Variants in CAST observed in about 807,000 individuals in gnomAD.
CAST encodes the protein MIR583 host.
In CAST, 76 loss-of-function variants were observed where a neutral mutation model predicts 119.6. That is an observed-to-expected ratio of 0.64 (90% CI 0.53 to 0.77). CAST has a LOEUF of 0.77. Ranked by LOEUF, CAST falls within the 30% of genes least tolerant of loss-of-function variation. The pLI, the probability that CAST is intolerant of heterozygous loss-of-function variation, is 0.00. For missense variants in CAST, 953 were observed against 946.5 expected (o/e 1.01, Z -0.09); for synonymous variants, 319 against 331.6 (o/e 0.96, Z 0.41).
chr5:96,728,984 A>G (rs1759899463), intron 6 of CAST, 169 bp from the exon 7 acceptor site: 1 of 582,128 alleles, frequency 1.7e-6, no homozygotes, highest in Admixed American at 3.5e-5. Context: ...TATTGACCTG[A>G]TACCACATGT....
At chr5:96,050,076 G>GA in the CAST span, 6 of 151,988 alleles carry the variant, frequency 3.9e-5, no homozygotes, top group Non-Finnish European at 8.8e-5. Context: ...TTTGCACTGG[G>GA]AAAAAAAGAA....
intron 1 of CAST, 113 bp downstream of exon 1, chr5:96,662,610 C>G: frequency 8.0e-7 from 1 of 1,244,696 alleles, no homozygotes; most frequent in Non-Finnish European, 1.0e-6. Context: ...GTCCCCGGCG[C>G]CCCCGCGGGG....
chr5:96,597,904 A>G (rs1261946152), intron 1 of CAST, among the ~76,000 whole-genome samples: 1 of 150,388 alleles, frequency 6.6e-6, no homozygotes, highest in Non-Finnish European at 1.5e-5. Flanking sequence ...GGGTGGAAGA[A>G]GAAAAGAAAG....
At chr5:95,999,022 C>T in the CAST span, among the ~76,000 whole-genome samples, 1 of 151,832 alleles carries the variant, frequency 6.6e-6, no homozygotes, top group East Asian at 1.9e-4. Flanking sequence ...ATTTTTTCAC[C>T]TGTTTATTGG....
intron 2 of CAST, among the ~76,000 whole-genome samples, chr5:96,695,216 A>G (rs1006046222): frequency 6.6e-5 from 10 of 152,340 alleles, no homozygotes; most frequent in African/African-American, 2.2e-4. Context: ...CTTGTTACTC[A>G]TGGTATTTAA....
chr5:96,041,378 T>C, the CAST span, among the ~76,000 whole-genome samples: 1 of 152,090 alleles, frequency 6.6e-6, no homozygotes, highest in Non-Finnish European at 1.5e-5. Context: ...ACTTGACCAG[T>C]ACTCCTAAAA....
chr5:96,240,184 A>G, the CAST span, among the ~76,000 whole-genome samples: 1 of 152,052 alleles, frequency 6.6e-6, no homozygotes, highest in Non-Finnish European at 1.5e-5. Flanking sequence ...TTTTTATTTG[A>G]GCAATAGATT....
the CAST span, among the ~76,000 whole-genome samples, chr5:96,382,422 G>A: frequency 2.6e-5 from 4 of 152,186 alleles, no homozygotes; most frequent in African/African-American, 9.6e-5. Flanking sequence ...TCAGCATCTT[G>A]ACTACCACCC....
At chr5:96,295,924 ACT>A in the CAST span, among the ~76,000 whole-genome samples, 5 of 152,212 alleles carry the variant, frequency 3.3e-5, no homozygotes, top group African/African-American at 4.8e-5. Flanking sequence ...AAATTGAAAG[ACT>A]CTGAGTTAAC....
chr5:96,697,344 A>G (rs191597376), intron 3 of CAST, among the ~76,000 whole-genome samples: 78 of 151,976 alleles, frequency 5.1e-4, no homozygotes, highest in Admixed American at 9.8e-4. Context: ...AGACTTTCTC[A>G]TAGATGTCAC....
intron 1 of CAST, among the ~76,000 whole-genome samples, chr5:96,577,890 A>C (rs1746702727): frequency 6.6e-6 from 1 of 152,188 alleles, no homozygotes; most frequent in Non-Finnish European, 1.5e-5. Flanking sequence ...ATGCAAAAGT[A>C]ATTGCAGTTT....
At chr5:96,045,834 CA>C in the CAST span, among the ~76,000 whole-genome samples, 9 of 150,638 alleles carry the variant, frequency 6.0e-5, no homozygotes, top group Non-Finnish European at 1.2e-4. Flanking sequence ...AGGAGATAGA[CA>C]AAAAAAATAT....
the CAST span, among the ~76,000 whole-genome samples, chr5:95,977,212 TGG>T: frequency 6.6e-6 from 1 of 152,236 alleles, no homozygotes; most frequent in African/African-American, 2.4e-5. Flanking sequence ...CTGACAGTTG[TGG>T]AGGCTAGGAA....
In CAST at chr5:96,767,947, G is replaced by A. The variant is rs1162619317; in HGVS notation, c.2216G>A (p.Gly739Glu). The part of the protein sequence containing the change: ...DDQDPIDALS[G>E]DLDSCPSTTE... ...CAAGACCCCATTGATGCTCTCTCAG[G>A]AGATCTGGACAGCTGTCCCTCCACT... Residue 739 changes from glycine (G) to glutamate (E), a missense_variant, in exon 29 of 32, where the codon GGA (glycine) becomes GAA (glutamate). By Grantham distance (98) the Gly-to-Glu change is moderately conservative. Coordinates refer to ENST00000675179, the MANE Select transcript of CAST (RefSeq NM_001750.7). The A allele has an allele frequency of 2.5e-6, 4 of 1,613,642 alleles. No individual in the cohort carries two copies. The highest frequency in any genetic ancestry group is 1.1e-5 in the South Asian group (1 of 91,076).
At chr5:95,989,727 A>G in the CAST span, among the ~76,000 whole-genome samples, 4 of 151,964 alleles carry the variant, frequency 2.6e-5, no homozygotes, top group Admixed American at 2.0e-4. Flanking sequence ...ATTGTTTGGG[A>G]TATTTGAAGG....
In CAST at chr5:96,556,120, A is replaced by C. The variant is rs541905900; in HGVS notation, c.60+26240A>C. 5.3e-5 allele frequency among the ~76,000 whole-genome samples: 8 copies of C among 151,948 alleles called. No homozygotes were observed. In the East Asian group the frequency reaches 5.8e-4, roughly 11 times the overall value. On this transcript the variant is annotated intron_variant, in intron 1 of 11. Coordinates refer to the CAST transcript ENST00000505143. ...AACAGGGTCTGGAGTGGACCTCCAG[A>C]AAACTCCAACAGACCTGCAGCTGAG...
the CAST span, among the ~76,000 whole-genome samples, chr5:96,061,009 T>C: frequency 6.6e-6 from 1 of 152,048 alleles, no homozygotes; most frequent in Non-Finnish European, 1.5e-5. Flanking sequence ...AGCACTCTGG[T>C]ATCTTTTCTT....
At chr5:96,535,921 T>A in intron 1 of CAST, among the ~76,000 whole-genome samples, 1 of 152,112 alleles carries the variant, frequency 6.6e-6, no homozygotes, top group Non-Finnish European at 1.5e-5. Flanking sequence ...TACCTACTTT[T>A]ATTTGTTAAA....
chr5:96,724,283 T>A (rs938480318), intron 4 of CAST, among the ~76,000 whole-genome samples: 1 of 152,026 alleles, frequency 6.6e-6, no homozygotes, highest in Non-Finnish European at 1.5e-5. Context: ...TGGATGCAAG[T>A]GATCCTCCTA....
Sources: allele counts gnomAD v4.1 joint callset (sites outside exome capture counted in the v4.1 genomes callset), GRCh38; gene constraint gnomAD v4.1.1; transcripts MANE v1.5; gene names NCBI Gene and HGNC (gene_info 2026-07-23, HGNC 2026-07-21).